The following HABP2 variants were observed in gnomAD, a reference collection of about 807,000 sequenced individuals.
HABP2 encodes hyaluronan binding protein 2.
In HABP2, 65 loss-of-function variants were observed where a neutral mutation model predicts 66.5. That is an observed-to-expected ratio of 0.98 (90% confidence interval 0.80 to 1.20). HABP2 has a LOEUF of 1.20. Among genes scored for constraint, HABP2 ranks in the 50% most tolerant of loss-of-function variants. The probability of loss-of-function intolerance (pLI) is 0.00; values close to 1 mark genes in which losing one functional copy is unlikely to be tolerated. For missense variants in HABP2, 786 were observed against 691.0 expected, an observed-to-expected ratio of 1.14 and a Z score of -1.54; for synonymous variants, 263 against 253.9, an observed-to-expected ratio of 1.04 and a Z score of -0.34.
Position 113,583,214 on chromosome 10 carries a change from A to G in HABP2, c.1095-2A>G. The G allele has an allele frequency of 6.2e-7, 1 of 1,613,650 alleles. No individual in the cohort carries two copies. The highest frequency in any genetic ancestry group is 8.5e-7 in the Non-Finnish European group (1 of 1,179,786). ...TCCTGACCATCTCATTTTCCCTTGC[A>G]GCATAAAAACCAGACATCTAAAGGT... On this transcript the variant is annotated splice_acceptor_variant, in intron 9 of 12. Transcript: ENST00000351270. LOFTEE classifies it high-confidence loss of function.
At chr10:113,585,103 CTT>C (rs1845609823) in intron 11 of HABP2, among the ~76,000 whole-genome samples, 1 of 152,166 alleles carries the variant, frequency 6.6e-6, no homozygotes, top group African/African-American at 2.4e-5. Context: ...TAATATACAA[CTT>C]TGAGTCTTTT....
chr10:113,581,369 A>G (rs1460094495), intron 8 of HABP2, among the ~76,000 whole-genome samples: 2 of 152,214 alleles, frequency 1.3e-5, no homozygotes, highest in Non-Finnish European at 2.9e-5. Flanking sequence ...CACCACCTAT[A>G]CAACATTTAC....
intron 12 of HABP2, among the ~76,000 whole-genome samples, chr10:113,587,003 A>G (rs1283248362): frequency 6.6e-6 from 1 of 152,140 alleles, no homozygotes; most frequent in Non-Finnish European, 1.5e-5. Context: ...CCTTCCCAGA[A>G]GATGGTTAAG....
intron 12 of HABP2, 97 bp downstream of exon 12, chr10:113,586,035 G>C: frequency 9.3e-7 from 1 of 1,078,264 alleles, no homozygotes; most frequent in South Asian, 1.3e-5. Flanking sequence ...GCTAGGTTCA[G>C]AGGTCCACCT....
At chr10:113,583,516 T>C (rs1845580087) in intron 10 of HABP2, among the ~76,000 whole-genome samples, 158 bp downstream of exon 10, 1 of 152,200 alleles carries the variant, frequency 6.6e-6, no homozygotes, top group Non-Finnish European at 1.5e-5. Flanking sequence ...TTTTAGTTTT[T>C]GAGGGTATGT....
chr10:113,558,155 C>G (rs957182459), intron 1 of HABP2, among the ~76,000 whole-genome samples: 1 of 152,208 alleles, frequency 6.6e-6, no homozygotes, highest in African/African-American at 2.4e-5. Context: ...CCCTCAATAG[C>G]CCCGAAGCTT....
intron 11 of HABP2, among the ~76,000 whole-genome samples, chr10:113,584,498 C>T (rs1041901859): frequency 2.6e-5 from 4 of 152,206 alleles, no homozygotes; most frequent in Non-Finnish European, 4.4e-5. Context: ...CTGTCCCTGG[C>T]CCTACCCCTA....
At chr10:113,576,033 C>T (rs1313300557) in intron 4 of HABP2, 29 bp downstream of exon 4, 5 of 1,172,044 alleles carry the variant, frequency 4.3e-6, no homozygotes, top group Non-Finnish European at 6.4e-6. Flanking sequence ...GTCCACTCTT[C>T]CCTCTGAGTT....
intron 6 of HABP2, among the ~76,000 whole-genome samples, 190 bp downstream of exon 6, chr10:113,578,335 G>A (rs1451707742): frequency 1.3e-5 from 2 of 152,162 alleles, no homozygotes; most frequent in African/African-American, 4.8e-5. Context: ...TGTAGTGCAG[G>A]CAAGTCAAAC....
intron 7 of HABP2, 52 bp downstream of exon 7, chr10:113,578,850 C>T (rs765324778): frequency 5.6e-6 from 7 of 1,251,396 alleles, no homozygotes; most frequent in Non-Finnish European, 7.0e-6. Context: ...TATTTTAAAA[C>T]AGATCATTGA....
In HABP2 at chr10:113,589,004, C is replaced by A; in HGVS notation, c.*635C>A. On this transcript the variant is annotated 3_prime_UTR_variant, in exon 13 of 13. Coordinates refer to ENST00000351270, the MANE Select transcript of HABP2 (RefSeq NM_004132.5). The stretch of plus-strand genomic sequence containing the variant: ...AACAGCAGGGCCTTCTTCTTTTTGA[C>A]GTGCAGAATCTCAGTGGCATCTGGG... 1.2e-6 allele frequency: 2 copies of A among 1,613,930 alleles called. No homozygotes were observed. The highest frequency in any genetic ancestry group is 1.7e-6 in the Non-Finnish European group (2 of 1,179,902).
At chr10:113,552,723 A>C (rs770121571), upstream of HABP2, among the ~76,000 whole-genome samples, 9 of 152,188 alleles carry the variant, frequency 5.9e-5, no homozygotes, top group Non-Finnish European at 7.3e-5. Flanking sequence ...ATTCTGTACA[A>C]ATCAGCACTG....
chr10:113,574,752 T>C lies in HABP2; in HGVS notation c.223+347T>C, dbSNP rs149564478. Among the ~76,000 whole-genome samples, 9 of 152,292 alleles carry C rather than the reference T, an allele frequency of 5.9e-5. No homozygotes were observed. The East Asian group carries it at 1.7e-3, about 29-fold the overall frequency. The stretch of plus-strand genomic sequence containing the variant: ...TCAAAATCACTCCCATAGCTTAGAT[T>C]ACAGGTCAGACCCTAAGGATGCAGG... On this transcript the variant is annotated intron_variant, in intron 3 of 12. Coordinates refer to ENST00000351270, the MANE Select transcript of HABP2 (RefSeq NM_004132.5).
chr10:113,589,333 C>A lies in HABP2; in HGVS notation c.*964C>A. 1.7e-6 allele frequency: 1 copy of A among 573,354 alleles called. No individual in the cohort carries two copies. The highest frequency in any genetic ancestry group is 3.2e-5 in the Admixed American group (1 of 31,102). The allele number at this position is 573,354 out of a possible 1,614,324, so 35.5% of individuals were successfully genotyped here. On this transcript the variant is annotated 3_prime_UTR_variant, in exon 13 of 13. Coordinates refer to ENST00000351270, the MANE Select transcript of HABP2 (RefSeq NM_004132.5). ...GGGTTCAAAATGCAGACTGTCATATCCAGCGAGTCCCTGACCCTTTCTGCG... is the reference window on the plus strand; with the variant it reads ...GGGTTCAAAATGCAGACTGTCATATACAGCGAGTCCCTGACCCTTTCTGCG...
intron 1 of HABP2, 130 bp downstream of exon 1, chr10:113,553,320 A>G (rs1190594117): frequency 2.8e-6 from 2 of 705,360 alleles, no homozygotes; most frequent in Non-Finnish European, 5.1e-6. Flanking sequence ...TGTTCTAACT[A>G]CAAGAACCAA....
Position 113,580,703 on chromosome 10 carries a change from T to C in HABP2, c.838+11T>C. The C allele has an allele frequency of 7.1e-7, 1 of 1,416,378 alleles. No homozygotes were observed. Among genetic ancestry groups the C allele is most frequent in the Non-Finnish European group, 1.0e-6 (1 of 1,000,412 alleles). 87.7% of individuals were successfully genotyped at this position (1,416,378 alleles called of 1,614,324 possible). A position where few individuals can be genotyped will look rare whatever the true frequency, so the allele number is the denominator to read the frequency against. ...CCTGCTCAGCCCAGGGTAAAGGCCA[T>C]GGCTGTTCAGAAGCCCAGGGGGTGG... On this transcript the variant is annotated intron_variant, in intron 8 of 12. Coordinates refer to ENST00000351270, the MANE Select transcript of HABP2 (RefSeq NM_004132.5).
chr10:113,567,017 C>T (rs542146179), intron 1 of HABP2, among the ~76,000 whole-genome samples: 1 of 152,294 alleles, frequency 6.6e-6, no homozygotes, highest in Non-Finnish European at 1.5e-5. Flanking sequence ...AAGAAATCAC[C>T]TAGATTTCAG....
chr10:113,568,832 A>T (rs544854308), intron 2 of HABP2, among the ~76,000 whole-genome samples: 6 of 152,276 alleles, frequency 3.9e-5, no homozygotes, highest in Admixed American at 2.6e-4. Flanking sequence ...TGGAAGAAAA[A>T]GAAGTGCGGA....
rs36039098 is a variant in HABP2, at chr10:113,584,176, T to C, written c.1266T>C (p.Gly422=). The part of the protein sequence containing the change: ...IALLKLKPVD[G]HCALESKYVK... The stretch of plus-strand genomic sequence containing the variant: ...TGCTCAAGTTAAAGCCAGTGGATGG[T>C]CACTGTGCTCTAGAATCCAAATACG... The change falls in exon 11 of 13, where the codon GGT becomes GGC. Residue 422 remains glycine, a synonymous_variant. Coordinates refer to ENST00000351270, the MANE Select transcript of HABP2 (RefSeq NM_004132.5). 447 of 1,613,742 alleles carry C rather than the reference T, an allele frequency of 2.8e-4. 2 individuals are homozygous for C. In the African/African-American group the frequency reaches 5.3e-3, roughly 19 times the overall value.
Sources: gnomAD v4.1 joint callset for allele counts (sites outside exome capture counted in the v4.1 genomes callset) on GRCh38, gnomAD v4.1.1 for gene constraint, MANE v1.5 for transcripts, NCBI Gene and HGNC (gene_info 2026-07-23, HGNC 2026-07-21) for gene names.